SSC4D: variants seen among roughly 807,000 people sequenced by gnomAD.
SSC4D encodes scavenger receptor cysteine rich family member with 4 domains, also known as scavenger receptor cysteine-rich domain-containing group B protein.
SSC4D carries 57 observed loss-of-function variants against 63.4 expected under a neutral mutation model. The observed-to-expected ratio is 0.90, with a 90% confidence interval of 0.73 to 1.12. The LOEUF is 1.12. Among genes scored for constraint, SSC4D ranks in the 50% most tolerant of loss-of-function variants. The pLI is 0.00. For synonymous variants in SSC4D, 352 were observed against 345.4 expected (o/e 1.02, Z -0.21); for missense variants, 791 against 806.4 (o/e 0.98, Z 0.23).
At chr7:76,404,531 C>T (rs1584031959) in intron 1 of SSC4D, 26 bp from the exon 2 acceptor site, 2 of 1,597,274 alleles carry the variant, frequency 1.3e-6, no homozygotes, top group Non-Finnish European at 1.7e-6. Context: ...CCAAATGTTG[C>T]TGGGCCTCCC....
rs529491939 is a variant in SSC4D, at chr7:76,397,006, C to G, written c.868+512G>C. ...ACTCTAAAGTGGTCCAGGAACAGTA[C>G]TTGCTGGAACATTCTGGAGGCATTC... is the stretch of plus-strand genomic sequence containing the variant. On this transcript the variant is annotated intron_variant, in intron 6 of 10. Coordinates refer to ENST00000275560, the MANE Select transcript of SSC4D (RefSeq NM_080744.2). Among the ~76,000 whole-genome samples, 5 of 152,312 alleles carry G rather than the reference C, an allele frequency of 3.3e-5. No individual in the cohort carries two copies. In the South Asian group the frequency reaches 1.0e-3, roughly 32 times the overall value.
chr7:76,399,599 A>G (rs1196932069), intron 4 of SSC4D, among the ~76,000 whole-genome samples: 1 of 151,958 alleles, frequency 6.6e-6, no homozygotes, highest in Non-Finnish European at 1.5e-5. Flanking sequence ...CAGTGTCACA[A>G]TCACGGCTCA....
rs1331229197 is a variant in SSC4D at position 76,393,541 on chromosome 7, G to A, written c.1197C>T (p.Phe399=). The change falls in exon 9 of 11, where the codon TTC becomes TTT. Residue 399 remains phenylalanine, a synonymous_variant. Transcript: ENST00000275560. ...GCAGCACGGGGCCGCGGCCGTAGCC[G>A]AAGTGGCCCAGTCCCGTAGCGCCCA... ...PALGATGLGH[F]GYGRGPVLLD... is the part of the protein sequence containing the mutation. The A allele has an allele frequency of 6.6e-7, 1 of 1,523,446 alleles. No individual in the cohort carries two copies. The highest frequency in any genetic ancestry group is 1.7e-4 in the Middle Eastern group (1 of 5,728). 94.4% of individuals were successfully genotyped at this position (1,523,446 alleles called of 1,614,324 possible).
chr7:76,394,759 AT>A (rs1329424072), intron 7 of SSC4D, among the ~76,000 whole-genome samples: 119 of 144,198 alleles, frequency 8.3e-4, no homozygotes, highest in Middle Eastern at 3.6e-3. Flanking sequence ...ATATATATAT[AT>A]ATATATATAA....
At chr7:76,391,517 T>C (rs1371882840) in intron 10 of SSC4D, among the ~76,000 whole-genome samples, 2 of 152,092 alleles carry the variant, frequency 1.3e-5, no homozygotes, top group Non-Finnish European at 2.9e-5. Flanking sequence ...CGTTTTTGAG[T>C]GATCCGCGAC....
In SSC4D at chr7:76,391,982, T is replaced by C; in HGVS notation, c.1393A>G (p.Thr465Ala). 1 of 1,594,872 alleles carries C rather than the reference T, an allele frequency of 6.3e-7. No individual in the cohort carries two copies. The highest frequency in any genetic ancestry group is 1.3e-5 in the African/African-American group (1 of 74,662). ...QDGSETTRVP[T>A]PRPRDGHLRL... is the part of the protein sequence containing the mutation. ...CACCTACCGTCCCTGGGCCGAGGAG[T>C]GGGCACCCGCGTGGTCTCAGAACCA... The change falls in exon 10 of 11, where the codon ACT becomes GCT. Residue 465 changes from threonine to alanine, a missense_variant. Thr to Ala is a moderately conservative substitution (Grantham distance 58). Coordinates refer to ENST00000275560, the MANE Select transcript of SSC4D (RefSeq NM_080744.2).
Position 76,393,786 on chromosome 7 carries a change from C to T in SSC4D, c.1021+44G>A, listed in dbSNP as rs1479389835. 6 of 1,530,060 alleles carry T rather than the reference C, an allele frequency of 3.9e-6. No individual in the cohort carries two copies. The Admixed American group carries it at 6.1e-5, about 16-fold the overall frequency. 94.8% of individuals were successfully genotyped at this position (1,530,060 alleles called of 1,614,324 possible). ...TGCCGGCTCCCGGCAGAGCCCCAGCCCTACCCTTCCCCATCCCCCGCAGAC... is the reference window on the plus strand; with the variant it reads ...TGCCGGCTCCCGGCAGAGCCCCAGCTCTACCCTTCCCCATCCCCCGCAGAC... On this transcript the variant is annotated intron_variant, in intron 8 of 10. Transcript: ENST00000275560.
Position 76,404,390 on chromosome 7 carries a change from C to A in SSC4D, c.50G>T (p.Arg17Leu), listed in dbSNP as rs145166488. 7 of 1,613,990 alleles carry A rather than the reference C, an allele frequency of 4.3e-6. No individual in the cohort carries two copies. In the East Asian group the frequency reaches 1.6e-4, roughly 36 times the overall value. The change falls in exon 2 of 11, where the codon CGC becomes CTC. Residue 17 changes from arginine (R) to leucine (L), a missense_variant. By Grantham distance (102) the Arg-to-Leu change is moderately radical. Coordinates refer to ENST00000275560, the MANE Select transcript of SSC4D (RefSeq NM_080744.2). ...CCCATCTCCCAACCTCCACCCCCAG[C>A]GCTTCTCATCCAGCTGGGGACCAAT... ...MLIGPQLDEK[R>L]WGWRLGDGSA...
At chr7:76,394,165 A>G (rs1391946682) in intron 7 of SSC4D, among the ~76,000 whole-genome samples, 3 of 152,206 alleles carry the variant, frequency 2.0e-5, no homozygotes, top group Non-Finnish European at 4.4e-5. Context: ...TTGCACTGCT[A>G]ACCTTGACTC....
chr7:76,395,943 T>A (rs968165282), intron 6 of SSC4D, among the ~76,000 whole-genome samples: 20 of 152,292 alleles, frequency 1.3e-4, no homozygotes, highest in African/African-American at 4.3e-4. Flanking sequence ...GATCCGCCCA[T>A]CTCGGCCTCC....
At chr7:76,397,457 G>C in intron 6 of SSC4D, 61 bp downstream of exon 6, 1 of 1,434,054 alleles carries the variant, frequency 7.0e-7, no homozygotes, top group Non-Finnish European at 9.1e-7. Context: ...TCCTCCTCCA[G>C]CATTGCCACA....
Position 76,397,850 on chromosome 7 carries a change from G to T in SSC4D, c.554-18C>A, listed in dbSNP as rs547068243. On this transcript the variant is annotated intron_variant, in intron 5 of 10. Transcript: ENST00000275560. ...GCCCTCACCTGGGGATGGGGGCGGG[G>T]GTCAGGGCGCATCTCCCACTGGCCT... 2 of 1,517,632 alleles carry T rather than the reference G, an allele frequency of 1.3e-6. No individual in the cohort carries two copies. Among genetic ancestry groups the T allele is most frequent in the African/African-American group, 1.4e-5 (1 of 72,354 alleles). The allele number at this position is 1,517,632 out of a possible 1,614,324, so 94.0% of individuals were successfully genotyped here. A position where few individuals can be genotyped will look rare whatever the true frequency, so the allele number is the denominator to read the frequency against.
chr7:76,401,090 G>A, intron 2 of SSC4D, 47 bp from the exon 3 acceptor site: 1 of 1,500,588 alleles, frequency 6.7e-7, no homozygotes, highest in Non-Finnish European at 8.9e-7. Context: ...CCACACCATG[G>A]CTCCCTGGTC....
rs952687548 is a variant in SSC4D at position 76,398,081 on chromosome 7, A to G, written c.554-249T>C. ...CCTGGGACGTGCTGCCTTCTCATCT[A>G]CTGCAAATGACATCCTCAAGATACA... On this transcript the variant is annotated intron_variant, in intron 5 of 10. Transcript: ENST00000275560. 2.6e-5 allele frequency among the ~76,000 whole-genome samples: 4 copies of G among 151,950 alleles called. 1 individual carries two copies. The highest frequency in any genetic ancestry group is 1.5e-5 in the Non-Finnish European group (1 of 67,964).
rs2115781242 is a variant in SSC4D at position 76,400,463 on chromosome 7, C to T, written c.298G>A (p.Gly100Ser). 6.2e-7 allele frequency: 1 copy of T among 1,608,714 alleles called. No homozygotes were observed. Residue 100 changes from glycine (G) to serine (S), a missense_variant, in exon 4 of 11, where the codon GGC (glycine) becomes AGC (serine). By Grantham distance (56) the Gly-to-Ser change is moderately conservative. Coordinates refer to ENST00000275560, the MANE Select transcript of SSC4D (RefSeq NM_080744.2). ...GGCACGGGCAGTGCCAGGCCACAGC[C>T]CAGCTGGCGACACACTACGTTGGCG... ...VDANVVCRQL[G>S]CGLALPVPRP...
Position 76,393,664 on chromosome 7 carries a change from C to T in SSC4D, c.1074G>A (p.Glu358=), listed in dbSNP as rs1804556186. Residue 358 remains glutamate, a synonymous_variant, in exon 9 of 11, where the codon GAG becomes GAA. Transcript: ENST00000275560. ...GGPGPCRGRV[E]VLHAGGWGTV... ...TGCCCCAGCCCCCGGCGTGCAACAC[C>T]TCCACGCGGCCGCGGCACGGACCCG... 6.9e-7 allele frequency: 1 copy of T among 1,446,732 alleles called. No homozygotes were observed. The highest frequency in any genetic ancestry group is 2.9e-5 in the East Asian group (1 of 34,200). The allele number at this position is 1,446,732 out of a possible 1,614,324, so 89.6% of individuals were successfully genotyped here.
intron 10 of SSC4D, among the ~76,000 whole-genome samples, chr7:76,391,124 G>T (rs1261732432): frequency 2.6e-5 from 4 of 152,128 alleles, no homozygotes; most frequent in African/African-American, 7.2e-5. Flanking sequence ...GACAGAGCAA[G>T]ACTCTGTCTC....
chr7:76,395,193 A>G, intron 7 of SSC4D, 60 bp downstream of exon 7: 1 of 1,588,016 alleles, frequency 6.3e-7, no homozygotes, highest in Non-Finnish European at 8.6e-7. Flanking sequence ...CATTCTTCCC[A>G]GTTCCCAGCC....
chr7:76,393,449 TG>T lies in SSC4D; in HGVS notation c.1288del (p.Gln430SerfsTer57). Reference protein sequence around the residue: ...LSDCFHLGWGQHNCGHHEDAG... With the variant: ...LSDCFHLGWGXHNCGHHEDAG... ...GTCCTCGTGGTGGCCGCAGTTGTGC[TG>T]GCCCCAGCCCAGGTGGAAGCAGTCG... On this transcript the variant is annotated frameshift_variant, in exon 9 of 11. Coordinates refer to ENST00000275560, the MANE Select transcript of SSC4D (RefSeq NM_080744.2). LOFTEE classifies it high-confidence loss of function. 1 of 1,531,740 alleles carries T rather than the reference TG, an allele frequency of 6.5e-7. No individual in the cohort carries two copies. The highest frequency in any genetic ancestry group is 1.2e-5 in the South Asian group (1 of 82,806). 94.9% of individuals were successfully genotyped at this position (1,531,740 alleles called of 1,614,324 possible).
Sources: allele counts gnomAD v4.1 joint callset (sites outside exome capture counted in the v4.1 genomes callset), GRCh38; gene constraint gnomAD v4.1.1; transcripts MANE v1.5; gene names NCBI Gene and HGNC (gene_info 2026-07-23, HGNC 2026-07-21).